Variants in DCX observed in about 807,000 individuals in gnomAD.
DCX encodes neuronal migration protein doublecortin.
A neutral mutation model predicts 20.9 loss-of-function variants in DCX; 4 were observed. The ratio of observed to expected loss-of-function variants is 0.19; its 90% CI spans 0.09 to 0.44. DCX has a LOEUF of 0.44. Among genes scored for constraint, DCX ranks in the 20% least tolerant of loss-of-function variants. The pLI, the probability that DCX is intolerant of heterozygous loss-of-function variation, is 0.99. For missense variants in DCX, 133 were observed against 296.9 expected, an observed-to-expected ratio of 0.45 and a Z score of 4.06; for synonymous variants, 103 against 111.4, an observed-to-expected ratio of 0.92 and a Z score of 0.47.
chrX:111,363,364 G>A (rs1275501908), intron 3 of DCX, among the ~76,000 whole-genome samples: 8 of 110,308 alleles, frequency 7.3e-5, no homozygotes, highest in Admixed American at 1.9e-4. Flanking sequence ...TTGGTAGCAG[G>A]AATTTAAAGT....
chrX:111,408,939 C>A (rs1569498257), intron 2 of DCX, among the ~76,000 whole-genome samples: 1 of 111,385 alleles, frequency 9.0e-6, no homozygotes, highest in Non-Finnish European at 1.9e-5. Flanking sequence ...ATTTCTCCTT[C>A]CTTGTTAGTT....
In DCX at chrX:111,295,707, G is replaced by T. The variant is rs1314185880; in HGVS notation, c.*5980C>A. On this transcript the variant is annotated 3_prime_UTR_variant, in exon 7 of 7. Transcript: ENST00000636035. Reference sequence around the variant, plus strand: ...ATGGGTGGATTTTTTCTCTTCAGCTGATTATGTCTCTGAGCACGCTTCACT... The same window carrying T: ...ATGGGTGGATTTTTTCTCTTCAGCTTATTATGTCTCTGAGCACGCTTCACT... 1 of 112,264 alleles carries T rather than the reference G, an allele frequency of 8.9e-6. No individual in the cohort carries two copies. Among genetic ancestry groups the T allele is most frequent in the Non-Finnish European group, 1.9e-5 (1 of 53,216 alleles). The allele number at this position is 112,264 out of a possible 1,213,427, so 9.3% of individuals were successfully genotyped here. A position where few individuals can be genotyped will look rare whatever the true frequency, so the allele number is the denominator to read the frequency against.
intron 3 of DCX, among the ~76,000 whole-genome samples, chrX:111,378,489 C>G (rs1312134019): frequency 8.9e-6 from 1 of 111,737 alleles, no homozygotes; most frequent in African/African-American, 3.3e-5. Flanking sequence ...TATGGTATCT[C>G]TTTGACATAA....
chrX:111,399,895 A>G (rs1018474879), intron 3 of DCX, among the ~76,000 whole-genome samples: 1 of 111,780 alleles, frequency 8.9e-6, no homozygotes, highest in Non-Finnish European at 1.9e-5. Context: ...AATATTTCTC[A>G]AAATTGCAAA....
chrX:111,339,238 A>C (rs1359721852), intron 3 of DCX, among the ~76,000 whole-genome samples: 1 of 111,562 alleles, frequency 9.0e-6, no homozygotes, highest in African/African-American at 3.3e-5. Flanking sequence ...CTATGGTTTC[A>C]ATGTTTGTCC....
chrX:111,360,502 A>G (rs1924122561), intron 3 of DCX, among the ~76,000 whole-genome samples: 1 of 111,580 alleles, frequency 9.0e-6, no homozygotes, highest in African/African-American at 3.3e-5. Flanking sequence ...AAAAAAATAG[A>G]AAGAATGAAT....
chrX:111,305,278 T>A (rs1446838652), intron 6 of DCX, among the ~76,000 whole-genome samples: 1 of 112,052 alleles, frequency 8.9e-6, no homozygotes, highest in Non-Finnish European at 1.9e-5. Context: ...CACAAAAGAC[T>A]GTACAAATTT....
At chrX:111,357,116 A>C (rs1923794466) in intron 3 of DCX, among the ~76,000 whole-genome samples, 2 of 111,978 alleles carry the variant, frequency 1.8e-5, no homozygotes, top group Admixed American at 1.9e-4. Flanking sequence ...AGATATTAAC[A>C]GTAGTTCTAG....
intron 5 of DCX, among the ~76,000 whole-genome samples, chrX:111,314,401 A>C (rs758881716): frequency 8.9e-6 from 1 of 112,143 alleles, no homozygotes; most frequent in South Asian, 3.8e-4. Context: ...ATAGGGTATT[A>C]TTGGAATTCA....
intron 2 of DCX, among the ~76,000 whole-genome samples, chrX:111,407,904 CTT>C (rs996789896): frequency 1.1e-4 from 12 of 110,901 alleles, no homozygotes; most frequent in South Asian, 4.0e-4. Flanking sequence ...TAACGCCTCT[CTT>C]ATATCAGAGA....
intron 3 of DCX, among the ~76,000 whole-genome samples, chrX:111,367,739 T>C (rs192584401): frequency 9.0e-6 from 1 of 111,252 alleles, no homozygotes; most frequent in African/African-American, 3.3e-5. Context: ...ATAGCAATGA[T>C]AGCCCCCTCT....
intron 3 of DCX, among the ~76,000 whole-genome samples, chrX:111,392,849 C>T (rs1284499740): frequency 9.0e-6 from 1 of 111,171 alleles, no homozygotes; most frequent in Non-Finnish European, 1.9e-5. Flanking sequence ...CTCCCCTCCC[C>T]CAATCCTGTT....
intron 3 of DCX, among the ~76,000 whole-genome samples, chrX:111,390,466 C>T (rs181917878): frequency 4.6e-4 from 52 of 112,002 alleles, no homozygotes; most frequent in Admixed American, 1.8e-3. Flanking sequence ...ACAATTAATA[C>T]ACCCTCAAAT....
chrX:111,331,098 T>C, intron 4 of DCX, 57 bp from the exon 5 acceptor site: 1 of 1,185,403 alleles, frequency 8.4e-7, no homozygotes, highest in South Asian at 1.8e-5. Context: ...CAGCATGTTA[T>C]CAGCCTCTGG....
At chrX:111,379,700 A>G (rs190152940) in intron 3 of DCX, among the ~76,000 whole-genome samples, 1 of 111,848 alleles carries the variant, frequency 8.9e-6, no homozygotes, top group Admixed American at 9.5e-5. Flanking sequence ...TTCTGTAGAC[A>G]TACATTTTTA....
At chrX:111,347,011 C>G (rs986676839) in intron 3 of DCX, among the ~76,000 whole-genome samples, 2 of 111,388 alleles carry the variant, frequency 1.8e-5, no homozygotes, top group Non-Finnish European at 3.8e-5. Context: ...GAACCACCAC[C>G]ACCATAAGAA....
chrX:111,306,382 A>G (rs1478375979), intron 6 of DCX, among the ~76,000 whole-genome samples: 1 of 112,059 alleles, frequency 8.9e-6, no homozygotes, highest in East Asian at 2.8e-4. Flanking sequence ...TCCAGAAAAC[A>G]TAAATACAAA....
At chrX:111,385,722 G>GAAGA (rs1378269130) in intron 3 of DCX, among the ~76,000 whole-genome samples, 3 of 94,684 alleles carry the variant, frequency 3.2e-5, no homozygotes, top group South Asian at 6.4e-4. Flanking sequence ...AGAAAGCAAG[G>GAAGA]AAGGAAGGAA....
At chrX:111,384,298 T>C (rs921307072) in intron 3 of DCX, among the ~76,000 whole-genome samples, 9 of 111,709 alleles carry the variant, frequency 8.1e-5, no homozygotes, top group African/African-American at 2.9e-4. Context: ...TAAGTGCGTA[T>C]GCATTATTTT....
Sources: gnomAD v4.1 joint callset for allele counts (sites outside exome capture counted in the v4.1 genomes callset) on GRCh38, gnomAD v4.1.1 for gene constraint, MANE v1.5 for transcripts, NCBI Gene and HGNC (gene_info 2026-07-23, HGNC 2026-07-21) for gene names.